Variants in STXBP6 observed in about 807,000 individuals in gnomAD.
STXBP6 encodes the protein syntaxin-binding protein 6.
In STXBP6, 21 loss-of-function variants were observed where a neutral mutation model predicts 26.9. The observed-to-expected ratio is 0.78, with a 90% CI of 0.55 to 1.12. The LOEUF (loss-of-function observed/expected upper bound fraction) is 1.12. Among genes scored for constraint, STXBP6 ranks in the 50% most tolerant of loss-of-function variants. The pLI is 0.00. For synonymous variants in STXBP6, 97 were observed against 92.6 expected, an observed-to-expected ratio of 1.05 and a Z score of -0.27; for missense variants, 232 against 257.9, an observed-to-expected ratio of 0.90 and a Z score of 0.69.
chr14:24,840,396 C>G (rs2068750858), intron 4 of STXBP6, among the ~76,000 whole-genome samples: 1 of 152,290 alleles, frequency 6.6e-6, no homozygotes, highest in African/African-American at 2.4e-5. Flanking sequence ...AGATTCTTTC[C>G]TCCACTTTAG....
At chr14:25,034,980 G>A (rs1331549580) in intron 1 of STXBP6, among the ~76,000 whole-genome samples, 1 of 151,910 alleles carries the variant, frequency 6.6e-6, no homozygotes. Flanking sequence ...GTAAAACCCC[G>A]TCTCTACTAC....
chr14:24,846,377 G>A (rs1357901141), intron 4 of STXBP6, among the ~76,000 whole-genome samples: 1 of 151,938 alleles, frequency 6.6e-6, no homozygotes, highest in East Asian at 1.9e-4. Context: ...TTTTCTTTCT[G>A]TTTGTATCTT....
chr14:24,847,859 G>T (rs1295950118), intron 4 of STXBP6, among the ~76,000 whole-genome samples: 2 of 152,076 alleles, frequency 1.3e-5, no homozygotes, highest in East Asian at 3.9e-4. Flanking sequence ...TTGTTGTTTT[G>T]GTTAAGTCAG....
At chr14:24,818,020 T>C in intron 5 of STXBP6, 1 of 456,576 alleles carries the variant, frequency 2.2e-6, no homozygotes, top group East Asian at 6.9e-5. Flanking sequence ...GGAATATTCT[T>C]CTCATTGCTT....
chr14:24,819,122 T>A lies in STXBP6; in HGVS notation c.524A>T (p.Glu175Val). The part of the protein sequence containing the change: ...AVQKASQALN[E>V]RGERLGRAEE... ...TGCTCGGCCTAATCGCTCTCCACGCTCATTCAAGGCCTGGCTTGCCTTCTG... is the reference window on the plus strand; with the variant it reads ...TGCTCGGCCTAATCGCTCTCCACGCACATTCAAGGCCTGGCTTGCCTTCTG... The change falls in exon 5 of 6, where the codon GAG becomes GTG. Residue 175 changes from glutamate to valine, a missense_variant. Glu to Val is a moderately radical substitution (Grantham distance 121, BLOSUM62 -2). Coordinates refer to ENST00000323944, the MANE Select transcript of STXBP6 (RefSeq NM_001394410.1). 3.1e-6 allele frequency: 5 copies of A among 1,614,144 alleles called. No homozygotes were observed. The highest frequency in any genetic ancestry group is 4.2e-6 in the Non-Finnish European group (5 of 1,180,002).
At chr14:25,023,480 A>G (rs1023356632) in intron 1 of STXBP6, among the ~76,000 whole-genome samples, 1 of 152,170 alleles carries the variant, frequency 6.6e-6, no homozygotes, top group Non-Finnish European at 1.5e-5. Flanking sequence ...ATCATAACAA[A>G]TAACAAAAGG....
At chr14:24,818,946 C>G (rs561437094) in intron 5 of STXBP6, 91 bp downstream of exon 5, 10 of 1,455,222 alleles carry the variant, frequency 6.9e-6, no homozygotes, top group Non-Finnish European at 8.3e-6. Flanking sequence ...TTTTATATCT[C>G]TCATCACAGG....
intron 2 of STXBP6, among the ~76,000 whole-genome samples, chr14:24,897,406 T>G (rs2071032991): frequency 1.1e-5 from 1 of 92,804 alleles, no homozygotes; most frequent in East Asian, 2.6e-4. Context: ...CGAGACTCTG[T>G]CTCAAAAAAA....
At chr14:25,001,167 C>A (rs890622396) in intron 1 of STXBP6, among the ~76,000 whole-genome samples, 15 of 152,100 alleles carry the variant, frequency 9.9e-5, no homozygotes, top group African/African-American at 3.6e-4. Flanking sequence ...TTTGCCTCTG[C>A]CTTTGATGAT....
rs75091422 is a variant in STXBP6, at chr14:24,987,608, C to T, written c.-32-12758G>A. Among the ~76,000 whole-genome samples, 28 of 152,306 alleles carry T rather than the reference C, an allele frequency of 1.8e-4. No homozygotes were observed. In the East Asian group the frequency reaches 4.2e-3, roughly 23 times the overall value. ...CATCCTATTTCATCTTCCACACTTG[C>T]GAGAGAGGTATGATTGTCTCTACTG... On this transcript the variant is annotated intron_variant, in intron 1 of 5. Coordinates refer to ENST00000323944, the MANE Select transcript of STXBP6 (RefSeq NM_001394410.1).
chr14:24,976,852 C>CTTTTTTTTTTTTTTTT lies in STXBP6; in HGVS notation c.-32-2018_-32-2003dup, dbSNP rs71121808. On this transcript the variant is annotated intron_variant, in intron 1 of 5. Transcript: ENST00000323944. ...CAAAGTCCTGAGCTGACTGGGCGCT[C>CTTTTTTTTTTTTTTTT]TTTTTTTTTTTTTTTTTTTTTTTTT... 1.8e-3 allele frequency among the ~76,000 whole-genome samples: 80 copies of CTTTTTTTTTTTTTTTT among 45,272 alleles called. 17 individuals are homozygous for CTTTTTTTTTTTTTTTT. The highest frequency in any genetic ancestry group is 5.3e-3 in the African/African-American group (47 of 8,896). 29.7% of individuals were successfully genotyped at this position (45,272 alleles called of 152,430 possible).
At chr14:24,902,755 T>C (rs1256142952) in intron 2 of STXBP6, among the ~76,000 whole-genome samples, 1 of 152,120 alleles carries the variant, frequency 6.6e-6, no homozygotes, top group Admixed American at 6.6e-5. Flanking sequence ...TAAAACCCCA[T>C]AATATCTCCT....
At chr14:25,003,841 G>T (rs1003969000) in intron 1 of STXBP6, among the ~76,000 whole-genome samples, 3 of 152,204 alleles carry the variant, frequency 2.0e-5, no homozygotes, top group African/African-American at 7.2e-5. Context: ...CACAATGGCA[G>T]CAGGAAATGA....
chr14:24,947,811 G>C (rs758830215), intron 2 of STXBP6, among the ~76,000 whole-genome samples: 5 of 152,104 alleles, frequency 3.3e-5, no homozygotes, highest in Non-Finnish European at 7.4e-5. Context: ...TTCTTGAAAG[G>C]GAATGCCTTC....
At chr14:24,961,503 C>T (rs988222865) in intron 2 of STXBP6, among the ~76,000 whole-genome samples, 1 of 148,292 alleles carries the variant, frequency 6.7e-6, no homozygotes, top group Admixed American at 6.7e-5. Context: ...AAAGAATGAA[C>T]ATGGATGGAG....
chr14:24,946,496 G>A (rs1419183454), intron 2 of STXBP6, among the ~76,000 whole-genome samples: 2 of 152,192 alleles, frequency 1.3e-5, no homozygotes, highest in East Asian at 1.9e-4. Flanking sequence ...ATTGAAGGCA[G>A]AGAAGGATTG....
chr14:24,992,783 T>C (rs2038700), intron 1 of STXBP6, among the ~76,000 whole-genome samples: 79,312 of 152,084 alleles, frequency 0.52, 23,446 homozygotes, highest in African/African-American at 0.82. Flanking sequence ...CCCAGCCCTA[T>C]ATGATACTAG....
chr14:25,022,434 C>G (rs578051537), intron 1 of STXBP6, among the ~76,000 whole-genome samples: 2 of 152,160 alleles, frequency 1.3e-5, no homozygotes, highest in Non-Finnish European at 2.9e-5. Flanking sequence ...CCAACCATTA[C>G]GGCCAGGTAA....
intron 2 of STXBP6, among the ~76,000 whole-genome samples, chr14:24,910,635 A>C (rs1429438603): frequency 6.6e-6 from 1 of 152,230 alleles, no homozygotes; most frequent in African/African-American, 2.4e-5. Context: ...ATAGCCTAGC[A>C]GGTCACAGGA....
Sources: gnomAD v4.1 joint callset for allele counts (sites outside exome capture counted in the v4.1 genomes callset) on GRCh38, gnomAD v4.1.1 for gene constraint, MANE v1.5 for transcripts, NCBI Gene and HGNC (gene_info 2026-07-23, HGNC 2026-07-21) for gene names.